COX14: variants seen among roughly 807,000 people sequenced by gnomAD.
The protein encoded by COX14 is cytochrome c oxidase assembly protein COX14.
A neutral mutation model predicts 5.8 loss-of-function variants in COX14; 3 were observed. That is an observed-to-expected ratio of 0.51 (90% confidence interval 0.23 to 1.33). COX14 has a LOEUF of 1.33. Ranked by LOEUF, COX14 falls within the 40% of genes most tolerant of loss-of-function variation. The pLI is 0.18. For missense variants in COX14, 72 were observed against 72.1 expected (o/e 1.00, Z 0.01); for synonymous variants, 25 against 26.1 (o/e 0.96, Z 0.13).
chr12:50,114,849 C>T (rs1392597487), intron 1 of COX14, among the ~76,000 whole-genome samples: 4 of 124,162 alleles, frequency 3.2e-5, no homozygotes, highest in African/African-American at 6.1e-5. Context: ...GTGGCTGCAA[C>T]TTCCGCCTCC....
In COX14 at chr12:50,118,432, C is replaced by G. The variant is rs868223114; in HGVS notation, c.-8-1604C>G. On this transcript the variant is annotated intron_variant, in intron 1 of 1. Transcript: ENST00000550487. ...AGCTTGCACATACCCCAACCCCGTC[C>G]TTGATGGACATCATGCTCTGGTTGT... is the stretch of plus-strand genomic sequence containing the variant. 22 of 985,234 alleles carry G rather than the reference C, an allele frequency of 2.2e-5. No individual in the cohort carries two copies. In the Middle Eastern group the frequency reaches 4.7e-3, roughly 211 times the overall value. The allele number at this position is 985,234 out of a possible 1,614,324, so 61.0% of individuals were successfully genotyped here.
intron 1 of COX14, chr12:50,112,845 G>T (rs1252100810): frequency 6.6e-6 from 1 of 151,662 alleles, no homozygotes. Context: ...CTCTCCATGA[G>T]ACCATAAGCT....
Position 50,120,299 on chromosome 12 carries a change from C to G in COX14, c.*82C>G, listed in dbSNP as rs74090059. On this transcript the variant is annotated 3_prime_UTR_variant, in exon 2 of 2. Coordinates refer to ENST00000550487, the MANE Select transcript of COX14 (RefSeq NM_032901.4). ...TCACCTGCCACCATTTCCAGGTCAA[C>G]AGGACTAGAGCGTTGATGGTTTTCA... is the stretch of plus-strand genomic sequence containing the variant. 8.2e-4 allele frequency: 1,002 copies of G among 1,221,546 alleles called. 10 individuals carry two copies. In the African/African-American group the frequency reaches 0.013, roughly 15 times the overall value. The allele number at this position is 1,221,546 out of a possible 1,614,324, so 75.7% of individuals were successfully genotyped here.
At chr12:50,115,655 G>A (rs780037781) in intron 1 of COX14, among the ~76,000 whole-genome samples, 5 of 150,070 alleles carry the variant, frequency 3.3e-5, no homozygotes, top group Non-Finnish European at 5.9e-5. Context: ...GGGCTCAAGC[G>A]ATCCTCCAAC....
rs10817 is a variant in COX14 at position 50,120,279 on chromosome 12, T to G, written c.*62T>G. On this transcript the variant is annotated 3_prime_UTR_variant, in exon 2 of 2. Coordinates refer to ENST00000550487, the MANE Select transcript of COX14 (RefSeq NM_032901.4). ...AGGCATGCTGTGGAGAGACTTCACC[T>G]GCCACCATTTCCAGGTCAACAGGAC... 2 of 1,394,188 alleles carry G rather than the reference T, an allele frequency of 1.4e-6. No homozygotes were observed. The highest frequency in any genetic ancestry group is 4.6e-5 in the East Asian group (2 of 43,378). The allele number at this position is 1,394,188 out of a possible 1,614,324, so 86.4% of individuals were successfully genotyped here. A position where few individuals can be genotyped will look rare whatever the true frequency, so the allele number is the denominator to read the frequency against.
Position 50,120,267 on chromosome 12 carries a change from A to G in COX14, c.*50A>G. Reference sequence around the variant, plus strand: ...CAGAGAGGCCCAAGGCATGCTGTGGAGAGACTTCACCTGCCACCATTTCCA... The same window carrying G: ...CAGAGAGGCCCAAGGCATGCTGTGGGGAGACTTCACCTGCCACCATTTCCA... On this transcript the variant is annotated 3_prime_UTR_variant, in exon 2 of 2. Transcript: ENST00000550487. The G allele has an allele frequency of 1.3e-6, 2 of 1,510,048 alleles. No homozygotes were observed. Among genetic ancestry groups the G allele is most frequent in the Non-Finnish European group, 1.8e-6 (2 of 1,102,840 alleles). 93.5% of individuals were successfully genotyped at this position (1,510,048 alleles called of 1,614,324 possible).
chr12:50,112,910 T>TATGTTATGTTATG (rs1464839121), intron 1 of COX14: 11 of 60,548 alleles, frequency 1.8e-4, no homozygotes, highest in African/African-American at 3.5e-4. Flanking sequence ...TGATGTACGT[T>TATGTTATGTTATG]ATGTTATGTT....
At chr12:50,115,262 T>C (rs1175217736) in intron 1 of COX14, among the ~76,000 whole-genome samples, 2 of 150,598 alleles carry the variant, frequency 1.3e-5, no homozygotes, top group East Asian at 3.9e-4. Flanking sequence ...TTGCCCAGGC[T>C]GGAGTGCAGT....
At chr12:50,117,282 T>TG (rs1255666326) in intron 1 of COX14, among the ~76,000 whole-genome samples, 9 of 151,886 alleles carry the variant, frequency 5.9e-5, no homozygotes, top group African/African-American at 2.2e-4. Flanking sequence ...TCCCAAAGCA[T>TG]GGGATTACAA....
At position 50,120,041 on chromosome 12, in the gene COX14, A is replaced by G; in HGVS notation, c.-3A>G. The G allele has an allele frequency of 1.2e-6, 2 of 1,613,816 alleles. No individual in the cohort carries two copies. The highest frequency in any genetic ancestry group is 2.2e-5 in the East Asian group (1 of 44,884). Reference sequence around the variant, plus strand: ...AATTCAATCTGTCTTTGTAGGGGACAAGATGCCAACTGGCAAGCAGCTAGC... The same window carrying G: ...AATTCAATCTGTCTTTGTAGGGGACGAGATGCCAACTGGCAAGCAGCTAGC... On this transcript the variant is annotated 5_prime_UTR_variant, in exon 2 of 2. Coordinates refer to ENST00000550487, the MANE Select transcript of COX14 (RefSeq NM_032901.4).
chr12:50,113,685 T>G (rs1251123379), intron 1 of COX14, among the ~76,000 whole-genome samples: 1 of 151,960 alleles, frequency 6.6e-6, no homozygotes, highest in Non-Finnish European at 1.5e-5. Flanking sequence ...CAGGCTGGAG[T>G]ACAGTGGCGC....
chr12:50,112,286 G>A lies in COX14; in HGVS notation c.-24G>A, dbSNP rs1951032058. On this transcript the variant is annotated 5_prime_UTR_variant, in exon 1 of 2. Coordinates refer to ENST00000550487, the MANE Select transcript of COX14 (RefSeq NM_032901.4). ...GAGGAGGCCTCGGTTGGATGCGAAG[G>A]AGCTGCAGCATCCAGGTACGCTGCC... The A allele has an allele frequency of 1.0e-5, 10 of 985,472 alleles. No individual in the cohort carries two copies. Among genetic ancestry groups the A allele is most frequent in the Non-Finnish European group, 1.2e-5 (10 of 829,916 alleles). 61.0% of individuals were successfully genotyped at this position (985,472 alleles called of 1,614,324 possible). A position where few individuals can be genotyped will look rare whatever the true frequency, so the allele number is the denominator to read the frequency against.
intron 1 of COX14, chr12:50,113,041 TG>T (rs1294275847): frequency 3.3e-5 from 5 of 151,296 alleles, no homozygotes; most frequent in Non-Finnish European, 5.9e-5. Flanking sequence ...TTGTTGTTGT[TG>T]TTGTTGTTTT....
intron 1 of COX14, among the ~76,000 whole-genome samples, chr12:50,113,873 T>TGCC (rs1404354053): frequency 6.6e-6 from 1 of 152,154 alleles, no homozygotes; most frequent in African/African-American, 2.4e-5. Context: ...CCTCAGGTTA[T>TGCC]CAGCCCACTT....
chr12:50,112,843 G>A (rs1951039527), intron 1 of COX14: 1 of 151,458 alleles, frequency 6.6e-6, no homozygotes, highest in Non-Finnish European at 1.5e-5. Flanking sequence ...GCCTCTCCAT[G>A]AGACCATAAG....
intron 1 of COX14, 145 bp from the exon 2 acceptor site, chr12:50,119,891 G>A (rs1324503504): frequency 1.5e-6 from 1 of 658,582 alleles, no homozygotes; most frequent in Non-Finnish European, 2.7e-6. Context: ...ATCCCTATGA[G>A]ACTTTACCTA....
chr12:50,116,845 T>G (rs1215983296), intron 1 of COX14, among the ~76,000 whole-genome samples: 1 of 152,142 alleles, frequency 6.6e-6, no homozygotes, highest in Non-Finnish European at 1.5e-5. Flanking sequence ...CTTTCCATAG[T>G]GGGATTATAT....
intron 1 of COX14, chr12:50,118,428 C>T (rs1282119383): frequency 3.0e-6 from 3 of 985,122 alleles, no homozygotes; most frequent in Non-Finnish European, 3.6e-6. Flanking sequence ...ACCCCAACCC[C>T]GTCCTTGATG....
At chr12:50,119,295 T>C (rs902574720) in intron 1 of COX14, among the ~76,000 whole-genome samples, 2 of 152,246 alleles carry the variant, frequency 1.3e-5, no homozygotes, top group Non-Finnish European at 2.9e-5. Flanking sequence ...TCCCATTTGA[T>C]CTTCCTAGAG....
Sources: allele counts gnomAD v4.1 joint callset (sites outside exome capture counted in the v4.1 genomes callset), GRCh38; gene constraint gnomAD v4.1.1; transcripts MANE v1.5; gene names NCBI Gene and HGNC (gene_info 2026-07-23, HGNC 2026-07-21).